PCDH15: variants seen among roughly 807,000 people sequenced by gnomAD.
The protein encoded by PCDH15 is protocadherin related 15.
A neutral mutation model predicts 178.5 loss-of-function variants in PCDH15; 129 were observed. The observed-to-expected ratio is 0.72, with a 90% CI of 0.63 to 0.84. The LOEUF (loss-of-function observed/expected upper bound fraction) is 0.84. Ranked by LOEUF, PCDH15 falls within the 40% of genes least tolerant of loss-of-function variation. PCDH15 has a pLI of 0.00. For missense variants in PCDH15, 2,230 were observed against 2,099.9 expected, an observed-to-expected ratio of 1.06 and a Z score of -1.21; for synonymous variants, 800 against 732.0, an observed-to-expected ratio of 1.09 and a Z score of -1.50.
At chr10:54,547,356 G>A (rs1015870208) in intron 2 of PCDH15, among the ~76,000 whole-genome samples, 6 of 151,830 alleles carry the variant, frequency 4.0e-5, no homozygotes, top group African/African-American at 1.5e-4. Flanking sequence ...AAATATATCA[G>A]ACACACAATA....
rs1425834122 is a variant in PCDH15, at chr10:53,945,814, T to C, written c.3123-4839A>G. 3.4e-5 allele frequency among the ~76,000 whole-genome samples: 5 copies of C among 145,424 alleles called. No homozygotes were observed. In the Admixed American group the frequency reaches 3.5e-4, roughly 10 times the overall value. ...CCAAATAAAAGAATTCCCTTCATTT[T>C]TAAGGCTGAGTAATATTTCATTGTA... is the stretch of plus-strand genomic sequence containing the variant. On this transcript the variant is annotated intron_variant, in intron 23 of 37. Transcript: ENST00000644397.
chr10:54,078,040 G>A (rs914513319), intron 17 of PCDH15, among the ~76,000 whole-genome samples: 6 of 152,076 alleles, frequency 3.9e-5, no homozygotes, highest in Non-Finnish European at 8.8e-5. Context: ...TCCAGCCTGG[G>A]CAACAAGAGC....
At chr10:54,453,173 A>G (rs1467118340) in intron 3 of PCDH15, among the ~76,000 whole-genome samples, 2 of 152,172 alleles carry the variant, frequency 1.3e-5, no homozygotes, top group South Asian at 2.1e-4. Flanking sequence ...CCAAAGGATT[A>G]CAAAACATGC....
intron 3 of PCDH15, among the ~76,000 whole-genome samples, chr10:54,428,180 A>G (rs1043580841): frequency 6.6e-6 from 1 of 152,174 alleles, no homozygotes; most frequent in African/African-American, 2.4e-5. Flanking sequence ...ATATTGCCCT[A>G]AGACAAACTA....
chr10:55,417,767 A>C (rs533333851), intron 2 of PCDH15, among the ~76,000 whole-genome samples: 1 of 151,514 alleles, frequency 6.6e-6, no homozygotes, highest in Non-Finnish European at 1.5e-5. Context: ...ATGAAGGGAA[A>C]AAAAAAACAA....
At chr10:55,583,862 A>G (rs1251543022) in intron 2 of PCDH15, among the ~76,000 whole-genome samples, 1 of 152,006 alleles carries the variant, frequency 6.6e-6, no homozygotes, top group African/African-American at 2.4e-5. Flanking sequence ...TTGAAAAGTA[A>G]TATTTTATAT....
At chr10:54,333,873 C>CT (rs1051369019) in intron 6 of PCDH15, among the ~76,000 whole-genome samples, 1 of 152,144 alleles carries the variant, frequency 6.6e-6, no homozygotes, top group African/African-American at 2.4e-5. Context: ...TCTGTCCTTG[C>CT]TATTTATTTT....
At position 54,020,327 on chromosome 10, in the gene PCDH15, T is replaced by C. The variant is rs1254338106; in HGVS notation, c.2616A>G (p.Gly872=). ...CTAAACTCCTTAAAAGCGATAGTTC[T>C]CCTGTAAATGGATGTAGTGCAAAAA... ...KHFFALHPFT[G]ELSLLRSLDY... The change falls in exon 20 of 38, where the codon GGA becomes GGG. Residue 872 remains glycine, a synonymous_variant. Coordinates refer to ENST00000644397, the MANE Select transcript of PCDH15 (RefSeq NM_001384140.1). 1.2e-6 allele frequency: 2 copies of C among 1,613,758 alleles called. No individual in the cohort carries two copies. Among genetic ancestry groups the C allele is most frequent in the Admixed American group, 3.3e-5 (2 of 59,958 alleles).
rs374283912 is a variant in PCDH15, at chr10:54,329,699, T to C, written c.602A>G (p.Asn201Ser). ...IQYNPDDPTSNDTFEIPLMLT... is the reference protein window; with the variant it reads ...IQYNPDDPTSSDTFEIPLMLT... ...CATTAGGGGAATTTCAAAGGTGTCATTGGATGTCTGCAAATATTAAAGATA... is the reference window on the plus strand; with the variant it reads ...CATTAGGGGAATTTCAAAGGTGTCACTGGATGTCTGCAAATATTAAAGATA... The change falls in exon 7 of 38, where the codon AAT (asparagine) becomes AGT (serine). Residue 201 changes from asparagine (N) to serine (S), a missense_variant. Asn to Ser is a conservative substitution (Grantham distance 46). Coordinates refer to ENST00000644397, the MANE Select transcript of PCDH15 (RefSeq NM_001384140.1). The C allele has an allele frequency of 4.3e-5, 67 of 1,570,752 alleles. No individual in the cohort carries two copies. The highest frequency in any genetic ancestry group is 5.4e-5 in the Non-Finnish European group (62 of 1,141,034).
chr10:54,400,515 T>A (rs541050908), intron 3 of PCDH15, among the ~76,000 whole-genome samples: 1 of 152,070 alleles, frequency 6.6e-6, no homozygotes, highest in Non-Finnish European at 1.5e-5. Flanking sequence ...AAAAGATGGT[T>A]ATAAAAGTCA....
rs553590930 is a variant in PCDH15 at position 54,575,515 on chromosome 10, A to G, written c.92-47638T>C. ...GTATTGTACTCATGATGTTGGTAGC[A>G]GGGTTTAACAATATATCTTGGGAAA... is the stretch of plus-strand genomic sequence containing the variant. On this transcript the variant is annotated intron_variant, in intron 2 of 37. Transcript: ENST00000644397. Among the ~76,000 whole-genome samples, 30 of 152,264 alleles carry G rather than the reference A, an allele frequency of 2.0e-4. No homozygotes were observed. The South Asian group carries it at 2.1e-3, about 11-fold the overall frequency.
intron 1 of PCDH15, among the ~76,000 whole-genome samples, chr10:55,236,191 C>G (rs770355346): frequency 6.6e-6 from 1 of 151,738 alleles, no homozygotes; most frequent in Non-Finnish European, 1.5e-5. Context: ...ATCTAGCAGA[C>G]GTCTTGTTGC....
chr10:54,023,112 C>T lies in PCDH15; in HGVS notation c.2306G>A (p.Gly769Glu). The change falls in exon 19 of 38, where the codon GGG (glycine) becomes GAG (glutamate). Residue 769 changes from glycine to glutamate, a missense_variant. Physicochemically the swap from Gly to Glu is moderately conservative, Grantham distance 98 (BLOSUM62 -2). Coordinates refer to ENST00000644397, the MANE Select transcript of PCDH15 (RefSeq NM_001384140.1). ...AAGCTTCACTGCTGTGTAAATGCTCCCATTGGATGTGATACGAAAAAGATT... is the reference window on the plus strand; with the variant it reads ...AAGCTTCACTGCTGTGTAAATGCTCTCATTGGATGTGATACGAAAAAGATT... Reference protein sequence around the residue: ...FNNLFRITSNGSIYTAVKLNR... With the variant: ...FNNLFRITSNESIYTAVKLNR... 6.2e-7 allele frequency: 1 copy of T among 1,613,880 alleles called. No homozygotes were observed. Among genetic ancestry groups the T allele is most frequent in the Non-Finnish European group, 8.5e-7 (1 of 1,179,876 alleles).
chr10:54,611,844 A>G (rs2134253726), intron 2 of PCDH15, among the ~76,000 whole-genome samples: 1 of 151,986 alleles, frequency 6.6e-6, no homozygotes, highest in East Asian at 1.9e-4. Flanking sequence ...TTTTGTCTTC[A>G]ACACTTTCTG....
intron 3 of PCDH15, among the ~76,000 whole-genome samples, chr10:54,862,117 T>C (rs532147140): frequency 4.9e-4 from 75 of 152,328 alleles, no homozygotes; most frequent in African/African-American, 1.7e-3. Flanking sequence ...TATGTCTATA[T>C]ACATCATAGT....
chr10:54,138,777 A>G (rs72797054), intron 14 of PCDH15, among the ~76,000 whole-genome samples: 4,494 of 152,248 alleles, frequency 0.03, 86 homozygotes, highest in Middle Eastern at 0.082. Flanking sequence ...TGAGGTCAAG[A>G]AAGTGTGGCT....
rs151078401 is a variant in PCDH15 at position 54,570,423 on chromosome 10, A to G, written c.92-42546T>C. Among the ~76,000 whole-genome samples, 850 of 152,262 alleles carry G rather than the reference A, an allele frequency of 5.6e-3. 5 individuals carry two copies. Among genetic ancestry groups the G allele is most frequent in the African/African-American group, 0.019 (788 of 41,538 alleles). ...TCTTTTGCTTACTCATTTTTAATTGAGAGAATTGCTATGTTTGACAATTTC... is the reference window on the plus strand; with the variant it reads ...TCTTTTGCTTACTCATTTTTAATTGGGAGAATTGCTATGTTTGACAATTTC... On this transcript the variant is annotated intron_variant, in intron 2 of 37. Transcript: ENST00000644397.
intron 2 of PCDH15, among the ~76,000 whole-genome samples, chr10:54,921,537 T>G (rs1837487463): frequency 1.3e-5 from 2 of 152,162 alleles, no homozygotes; most frequent in African/African-American, 4.8e-5. Context: ...TATGTGTCCA[T>G]GTGTTCTCAA....
chr10:54,625,848 C>A (rs1397743497), intron 2 of PCDH15, among the ~76,000 whole-genome samples: 1 of 152,132 alleles, frequency 6.6e-6, no homozygotes, highest in East Asian at 1.9e-4. Context: ...GTTTAGAGGG[C>A]TCAGAAGAAG....
Sources: allele counts gnomAD v4.1 joint callset (sites outside exome capture counted in the v4.1 genomes callset), GRCh38; gene constraint gnomAD v4.1.1; transcripts MANE v1.5; gene names NCBI Gene and HGNC (gene_info 2026-07-23, HGNC 2026-07-21).